Variants in GABRG3 observed in about 807,000 individuals in gnomAD.
GABRG3 encodes the protein gamma-aminobutyric acid type A receptor subunit gamma3.
In GABRG3, 25 loss-of-function variants were observed where a neutral mutation model predicts 48.8. The ratio of observed to expected loss-of-function variants is 0.51; its 90% CI spans 0.37 to 0.72. The LOEUF is 0.72. Ranked by LOEUF, GABRG3 falls within the 30% of genes least tolerant of loss-of-function variation. The pLI, the probability that GABRG3 is intolerant of heterozygous loss-of-function variation, is 0.00. For missense variants in GABRG3, 394 were observed against 577.9 expected, an observed-to-expected ratio of 0.68 and a Z score of 3.26; for synonymous variants, 227 against 217.6, an observed-to-expected ratio of 1.04 and a Z score of -0.38.
rs113021718 is a variant in GABRG3 at position 27,496,492 on chromosome 15, C to T, written c.712+15705C>T. 3.7e-4 allele frequency among the ~76,000 whole-genome samples: 56 copies of T among 152,186 alleles called. 1 individual carries two copies. The highest frequency in any genetic ancestry group is 1.3e-3 in the African/African-American group (53 of 41,514). The stretch of plus-strand genomic sequence containing the variant: ...TTCCAGGTTGCTGGCTTTTTCAGCC[C>T]CTATTCTGGGTTATGTGATGCAAAA... On this transcript the variant is annotated intron_variant, in intron 6 of 9. Coordinates refer to ENST00000615808, the MANE Select transcript of GABRG3 (RefSeq NM_033223.5).
chr15:27,461,448 C>T (rs545518962), intron 5 of GABRG3, among the ~76,000 whole-genome samples: 3 of 152,150 alleles, frequency 2.0e-5, no homozygotes, highest in Admixed American at 1.3e-4. Flanking sequence ...CTCGGACCCT[C>T]GGGTGAGTGT....
At chr15:27,452,350 G>A (rs1889136098) in intron 5 of GABRG3, among the ~76,000 whole-genome samples, 1 of 152,110 alleles carries the variant, frequency 6.6e-6, no homozygotes, top group African/African-American at 2.4e-5. Context: ...AAATAGAACT[G>A]TCATATGATC....
At chr15:27,288,270 C>T (rs1891683263) in intron 3 of GABRG3, among the ~76,000 whole-genome samples, 1 of 151,992 alleles carries the variant, frequency 6.6e-6, no homozygotes, top group Non-Finnish European at 1.5e-5. Context: ...GGGATGGTTT[C>T]AGGATGATTC....
At chr15:27,158,945 C>T (rs1898504101) in intron 3 of GABRG3, among the ~76,000 whole-genome samples, 1 of 152,136 alleles carries the variant, frequency 6.6e-6, no homozygotes, top group Admixed American at 6.5e-5. Context: ...ACACACTGCC[C>T]ACCTGTTTCC....
intron 3 of GABRG3, among the ~76,000 whole-genome samples, chr15:27,242,582 A>G (rs1203035707): frequency 6.6e-6 from 1 of 152,184 alleles, no homozygotes; most frequent in Non-Finnish European, 1.5e-5. Context: ...ATACTTCCCA[A>G]TCAGAACAAA....
intron 5 of GABRG3, among the ~76,000 whole-genome samples, chr15:27,388,275 GTA>G (rs1491242090): frequency 3.1e-4 from 15 of 47,756 alleles, no homozygotes; most frequent in Admixed American, 9.5e-4. Context: ...GGGAGGGAGG[GTA>G]AGGAAGGAAG....
At position 27,520,076 on chromosome 15, in the gene GABRG3, G is replaced by T. The variant is rs1891122679; in HGVS notation, c.817G>T (p.Val273Leu). 1.2e-6 allele frequency: 2 copies of T among 1,604,924 alleles called. No individual in the cohort carries two copies. The highest frequency in any genetic ancestry group is 1.7e-6 in the Non-Finnish European group (2 of 1,175,158). ...TATACTGACTGTGGTTTTATCCTGG[G>T]TGTCATTTTGGATCAAAAAAGATGC... ...PCILTVVLSW[V>L]SFWIKKDATP... Residue 273 changes from valine to leucine, a missense_variant, in exon 7 of 10, where the codon GTG (valine) becomes TTG (leucine). Transcript: ENST00000615808.
At chr15:27,375,047 G>A (rs1595712636) in intron 5 of GABRG3, among the ~76,000 whole-genome samples, 1 of 152,078 alleles carries the variant, frequency 6.6e-6, no homozygotes, top group East Asian at 1.9e-4. Context: ...TTTTGGGGGG[G>A]TGGGTAGTAA....
At position 27,046,274 on chromosome 15, in the gene GABRG3, T is replaced by A. The variant is rs532464297; in HGVS notation, c.270+19453T>A. Among the ~76,000 whole-genome samples, 486 of 131,672 alleles carry A rather than the reference T, an allele frequency of 3.7e-3. 3 individuals carry two copies. Among genetic ancestry groups the A allele is most frequent in the African/African-American group, 5.5e-3 (163 of 29,746 alleles). 86.4% of individuals were successfully genotyped at this position (131,672 alleles called of 152,430 possible). On this transcript the variant is annotated intron_variant, in intron 3 of 9. Transcript: ENST00000615808. ...ATACCTGGCTAATTTTTTTTTTTTT[T>A]TTGTATTTTTAGTAGAGACTGGTTT...
intron 2 of GABRG3, among the ~76,000 whole-genome samples, chr15:27,005,691 C>G (rs1224392073): frequency 1.3e-5 from 2 of 152,056 alleles, no homozygotes; most frequent in African/African-American, 4.8e-5. Context: ...CATATAGGAG[C>G]AGTCGGAATT....
intron 5 of GABRG3, among the ~76,000 whole-genome samples, chr15:27,465,505 G>A (rs1362908149): frequency 6.6e-6 from 1 of 152,144 alleles, no homozygotes; most frequent in Non-Finnish European, 1.5e-5. Context: ...TGAGTCAGTG[G>A]CCAACATTTA....
intron 5 of GABRG3, among the ~76,000 whole-genome samples, chr15:27,426,593 G>A (rs993701960): frequency 2.6e-5 from 4 of 152,116 alleles, no homozygotes; most frequent in Non-Finnish European, 5.9e-5. Flanking sequence ...AAGGTAGATG[G>A]CCTGAGGCTA....
chr15:27,028,420 A>G (rs1188152455), intron 3 of GABRG3, among the ~76,000 whole-genome samples: 1 of 152,160 alleles, frequency 6.6e-6, no homozygotes, highest in African/African-American at 2.4e-5. Context: ...GTCGGACCTC[A>G]GCCTTCTCTT....
Position 27,226,494 on chromosome 15 carries a change from C to T in GABRG3, c.271-100315C>T, listed in dbSNP as rs564570816. Among the ~76,000 whole-genome samples the T allele has an allele frequency of 9.3e-3, 1,417 of 152,260 alleles. 34 individuals are homozygous for T. The highest frequency in any genetic ancestry group is 0.032 in the African/African-American group (1,335 of 41,534). Reference sequence around the variant, plus strand: ...CTGATGCAGGACACTGGCTGGGCCCCAGGCAAGCTGGCCAAAGTGATGTGT... The same window carrying T: ...CTGATGCAGGACACTGGCTGGGCCCTAGGCAAGCTGGCCAAAGTGATGTGT... On this transcript the variant is annotated intron_variant, in intron 3 of 9. Coordinates refer to ENST00000615808, the MANE Select transcript of GABRG3 (RefSeq NM_033223.5).
At chr15:27,123,341 G>A (rs1463173662) in intron 3 of GABRG3, among the ~76,000 whole-genome samples, 2 of 152,100 alleles carry the variant, frequency 1.3e-5, no homozygotes, top group African/African-American at 2.4e-5. Flanking sequence ...CTAGGAAGTG[G>A]GGCCTTTGGG....
At chr15:27,031,948 T>C (rs905152574) in intron 3 of GABRG3, among the ~76,000 whole-genome samples, 4 of 152,216 alleles carry the variant, frequency 2.6e-5, no homozygotes, top group Admixed American at 1.3e-4. Context: ...TTTTTGCATC[T>C]GTAGTTCGAT....
chr15:27,135,311 C>T (rs1244661816), intron 3 of GABRG3, among the ~76,000 whole-genome samples: 1 of 152,140 alleles, frequency 6.6e-6, no homozygotes, highest in Non-Finnish European at 1.5e-5. Flanking sequence ...AGAATAAGAG[C>T]CAGTGTGGCC....
At chr15:27,316,759 T>G (rs1419184534) in intron 3 of GABRG3, among the ~76,000 whole-genome samples, 2 of 152,076 alleles carry the variant, frequency 1.3e-5, no homozygotes, top group Admixed American at 6.5e-5. Context: ...AAACTGAGAG[T>G]GTGGTTTCAT....
In GABRG3 at chr15:27,306,664, G is replaced by T. The variant is rs1490315636; in HGVS notation, c.271-20145G>T. On this transcript the variant is annotated intron_variant, in intron 3 of 9. Transcript: ENST00000615808. ...TATATATAAACATATATATGAACATGTTTATATATAAACATATATATGAAC... is the reference window on the plus strand; with the variant it reads ...TATATATAAACATATATATGAACATTTTTATATATAAACATATATATGAAC... 4.9e-5 allele frequency among the ~76,000 whole-genome samples: 3 copies of T among 60,968 alleles called. No homozygotes were observed. In the Admixed American group the frequency reaches 5.0e-4, roughly 10 times the overall value. The allele number at this position is 60,968 out of a possible 152,430, so 40.0% of individuals were successfully genotyped here.
Sources: allele counts gnomAD v4.1 joint callset (sites outside exome capture counted in the v4.1 genomes callset), GRCh38; gene constraint gnomAD v4.1.1; transcripts MANE v1.5; gene names NCBI Gene and HGNC (gene_info 2026-07-23, HGNC 2026-07-21).